SCML2: variants seen among roughly 807,000 people sequenced by gnomAD.
The protein encoded by SCML2 is sex comb on midleg-like protein 2.
In SCML2, 6 loss-of-function variants were observed where a neutral mutation model predicts 48.4. That is an observed-to-expected ratio of 0.12 (90% confidence interval 0.07 to 0.24). SCML2 has a LOEUF of 0.24. Among genes scored for constraint, SCML2 ranks in the 10% least tolerant of loss-of-function variants. The pLI is 1.00. For synonymous variants in SCML2, 181 were observed against 189.5 expected, an observed-to-expected ratio of 0.95 and a Z score of 0.37; for missense variants, 377 against 528.2, an observed-to-expected ratio of 0.71 and a Z score of 2.81.
rs932691200 is a variant in SCML2, at chrX:18,323,800, C to T, written c.397+59G>A. On this transcript the variant is annotated intron_variant, in intron 5 of 14. Transcript: ENST00000251900. Reference sequence around the variant, plus strand: ...ATAAATTTTAAAAGGCCACTTAAAGCCATTTCTATTGAATATCACATTAGA... The same window carrying T: ...ATAAATTTTAAAAGGCCACTTAAAGTCATTTCTATTGAATATCACATTAGA... The T allele has an allele frequency of 1.4e-5, 13 of 921,922 alleles. No individual in the cohort carries two copies. In the East Asian group the frequency reaches 2.8e-4, roughly 20 times the overall value. The allele number at this position is 921,922 out of a possible 1,213,427, so 76.0% of individuals were successfully genotyped here.
In SCML2 at chrX:18,243,114, C is replaced by A. The variant is rs1382932950; in HGVS notation, c.1823-524G>T. Among the ~76,000 whole-genome samples the A allele has an allele frequency of 3.6e-5, 4 of 111,767 alleles. No individual in the cohort carries two copies. In the South Asian group the frequency reaches 1.1e-3, roughly 31 times the overall value. ...TTTGAGACAGGGTCTCGCTCTGTTA[C>A]CCAGGCTGGAGTGCAGTGGCACAAT... On this transcript the variant is annotated intron_variant, in intron 13 of 14. Coordinates refer to ENST00000251900, the MANE Select transcript of SCML2 (RefSeq NM_006089.3).
intron 5 of SCML2, 116 bp downstream of exon 5, chrX:18,323,743 C>A: frequency 1.9e-6 from 1 of 532,702 alleles, no homozygotes; most frequent in Non-Finnish European, 3.2e-6. Context: ...CAGCAACCAC[C>A]TGACCATCTA....
chrX:18,310,102 T>C (rs1928899055), intron 6 of SCML2, among the ~76,000 whole-genome samples: 1 of 111,296 alleles, frequency 9.0e-6, no homozygotes, highest in African/African-American at 3.3e-5. Context: ...AAGAATTTGG[T>C]TTGTCATCAT....
intron 12 of SCML2, 38 bp downstream of exon 12, chrX:18,247,731 A>G: frequency 1.0e-6 from 1 of 994,660 alleles, no homozygotes; most frequent in Admixed American, 2.3e-5. Context: ...GCAGAGAAAC[A>G]TTTCTTCCCA....
At chrX:18,338,225 T>C (rs1020965036) in intron 1 of SCML2, among the ~76,000 whole-genome samples, 9 of 110,533 alleles carry the variant, frequency 8.1e-5, no homozygotes, top group Non-Finnish European at 1.3e-4. Context: ...GGTAGGATCA[T>C]TTGAGGCCAG....
At chrX:18,268,529 CAA>C (rs200323875) in intron 7 of SCML2, among the ~76,000 whole-genome samples, 4 of 77,325 alleles carry the variant, frequency 5.2e-5, no homozygotes, top group Admixed American at 1.6e-4. Flanking sequence ...AACTTCATCT[CAA>C]AAAAAAAAAA....
At chrX:18,288,697 G>A (rs1459713917) in intron 7 of SCML2, among the ~76,000 whole-genome samples, 2 of 111,781 alleles carry the variant, frequency 1.8e-5, no homozygotes, top group Admixed American at 1.9e-4. Flanking sequence ...GCAGTAATTC[G>A]TACCTTTATC....
At position 18,322,961 on chromosome X, in the gene SCML2, T is replaced by C. The variant is rs368488475; in HGVS notation, c.397+898A>G. On this transcript the variant is annotated intron_variant, in intron 5 of 14. Transcript: ENST00000251900. ...ATAGAACAAGGACAGCATAAAGATA[T>C]ATTACTAAAGAGTGGCTATTGTTAA... Among the ~76,000 whole-genome samples, 92 of 111,566 alleles carry C rather than the reference T, an allele frequency of 8.2e-4. 1 individual carries two copies. Among genetic ancestry groups the C allele is most frequent in the African/African-American group, 2.8e-3 (86 of 30,737 alleles).
intron 6 of SCML2, among the ~76,000 whole-genome samples, chrX:18,312,065 T>C (rs1480115416): frequency 8.9e-6 from 1 of 112,130 alleles, no homozygotes; most frequent in African/African-American, 3.2e-5. Flanking sequence ...GTGCTGGGAT[T>C]ACAGGCGTGA....
intron 7 of SCML2, among the ~76,000 whole-genome samples, chrX:18,279,115 G>A (rs1927742109): frequency 8.9e-6 from 1 of 112,682 alleles, no homozygotes; most frequent in South Asian, 3.6e-4. Flanking sequence ...GACCTGGGAG[G>A]GGACCACTTC....
chrX:18,307,774 G>C (rs1348073830), intron 6 of SCML2, among the ~76,000 whole-genome samples: 1 of 110,599 alleles, frequency 9.0e-6, no homozygotes, highest in Non-Finnish European at 1.9e-5. Flanking sequence ...CCAGGAGTTA[G>C]AGACCACCTG....
chrX:18,241,513 A>G, intron 14 of SCML2, 134 bp from the exon 15 acceptor site: 3 of 379,724 alleles, frequency 7.9e-6, no homozygotes, highest in Non-Finnish European at 1.2e-5. Context: ...CCTGAAAACT[A>G]TTAAAAATAT....
chrX:18,263,671 T>C (rs1400144402), intron 8 of SCML2, among the ~76,000 whole-genome samples: 1 of 112,057 alleles, frequency 8.9e-6, no homozygotes, highest in East Asian at 2.8e-4. Flanking sequence ...GTATAAATTA[T>C]ATGAAGAAAA....
intron 7 of SCML2, among the ~76,000 whole-genome samples, chrX:18,276,085 G>C (rs1007280423): frequency 3.6e-5 from 4 of 111,878 alleles, no homozygotes; most frequent in African/African-American, 1.3e-4. Context: ...GATCAGCTGA[G>C]GTCAGGAGTT....
At chrX:18,338,462 A>G (rs979886940) in intron 1 of SCML2, among the ~76,000 whole-genome samples, 2 of 108,978 alleles carry the variant, frequency 1.8e-5, no homozygotes, top group African/African-American at 6.7e-5. Context: ...AAAAAAGAAA[A>G]AAAAAAAACA....
rs1197838025 is a variant in SCML2 at position 18,295,072 on chromosome X, G to T, written c.730+9900C>A. On this transcript the variant is annotated intron_variant, in intron 7 of 14. Coordinates refer to ENST00000251900, the MANE Select transcript of SCML2 (RefSeq NM_006089.3). Reference sequence around the variant, plus strand: ...GCTACCACAGCCGCCACCACCAGGGGCTAAAGCACATGCCCCCACCAGGGC... The same window carrying T: ...GCTACCACAGCCGCCACCACCAGGGTCTAAAGCACATGCCCCCACCAGGGC... 3.6e-5 allele frequency among the ~76,000 whole-genome samples: 4 copies of T among 111,202 alleles called. No homozygotes were observed. The East Asian group carries it at 8.5e-4, about 24-fold the overall frequency.
chrX:18,271,437 A>ATG (rs1246976787), intron 7 of SCML2, among the ~76,000 whole-genome samples: 3 of 109,100 alleles, frequency 2.7e-5, no homozygotes, highest in Admixed American at 2.0e-4. Flanking sequence ...GTCAAGATGC[A>ATG]TGTGTGTGTG....
chrX:18,262,495 C>A (rs1236736451), intron 8 of SCML2, among the ~76,000 whole-genome samples: 1 of 106,333 alleles, frequency 9.4e-6, no homozygotes, highest in Non-Finnish European at 1.9e-5. Flanking sequence ...CACCTGTGAG[C>A]ATGCCTGACT....
chrX:18,325,086 GAAAA>G (rs367569771), intron 3 of SCML2, 109 bp from the exon 4 acceptor site: 2 of 241,775 alleles, frequency 8.3e-6, no homozygotes, highest in Non-Finnish European at 1.4e-5. Context: ...CCTCTTAAAA[GAAAA>G]AAAAAAAAAA....
Sources: allele counts gnomAD v4.1 joint callset (sites outside exome capture counted in the v4.1 genomes callset), GRCh38; gene constraint gnomAD v4.1.1; transcripts MANE v1.5; gene names NCBI Gene and HGNC (gene_info 2026-07-23, HGNC 2026-07-21).